The following CCDC57 variants were observed in gnomAD, a reference collection of about 807,000 sequenced individuals.
The protein encoded by CCDC57 is coiled-coil domain containing 57.
A neutral mutation model predicts 118.9 loss-of-function variants in CCDC57; 118 were observed. That is an observed-to-expected ratio of 0.99 (90% confidence interval 0.86 to 1.16). The LOEUF (loss-of-function observed/expected upper bound fraction) is 1.16, where lower values mean the gene tolerates loss of function less well. Among genes scored for constraint, CCDC57 ranks in the 50% most tolerant of loss-of-function variants. The probability of loss-of-function intolerance (pLI) is 0.00; values close to 1 mark genes in which losing one functional copy is unlikely to be tolerated. For missense variants in CCDC57, 1,300 were observed against 1,320.7 expected, an observed-to-expected ratio of 0.98 and a Z score of 0.24; for synonymous variants, 527 against 532.9, an observed-to-expected ratio of 0.99 and a Z score of 0.15.
chr17:82,152,223 C>T (rs1356389688), intron 15 of CCDC57: 2 of 188,540 alleles, frequency 1.1e-5, no homozygotes, highest in Non-Finnish European at 2.2e-5. Flanking sequence ...AGAGAGAAGG[C>T]TGTGGCCTCT....
chr17:82,150,070 C>T (rs2041688074), intron 16 of CCDC57, among the ~76,000 whole-genome samples: 1 of 132,366 alleles, frequency 7.6e-6, no homozygotes, highest in South Asian at 2.7e-4. Flanking sequence ...CAGGCACACA[C>T]TCAGAACCTG....
chr17:82,152,714 A>C (rs1427388008), intron 15 of CCDC57, among the ~76,000 whole-genome samples: 1 of 152,256 alleles, frequency 6.6e-6, no homozygotes, highest in Admixed American at 6.5e-5. Flanking sequence ...GGCCCTGGCC[A>C]CATGAGCTCC....
At chr17:82,122,117 A>G (rs555988657) in intron 19 of CCDC57, among the ~76,000 whole-genome samples, 2 of 152,002 alleles carry the variant, frequency 1.3e-5, no homozygotes, top group East Asian at 3.9e-4. Flanking sequence ...TGAGGCGCCA[A>G]CCCACCATTT....
At chr17:82,198,897 G>A (rs2048630897) in intron 3 of CCDC57, among the ~76,000 whole-genome samples, 1 of 151,438 alleles carries the variant, frequency 6.6e-6, no homozygotes, top group African/African-American at 2.4e-5. Context: ...GGAGGCTGAG[G>A]CAGGAGAATG....
At chr17:82,103,823 C>T (rs1223276030) in intron 19 of CCDC57, among the ~76,000 whole-genome samples, 2 of 148,680 alleles carry the variant, frequency 1.3e-5, no homozygotes, top group Non-Finnish European at 3.0e-5. Flanking sequence ...TCACAGTCCC[C>T]GGGGCAGGGA....
chr17:82,114,047 C>A (rs1039576010), intron 19 of CCDC57, among the ~76,000 whole-genome samples: 10 of 152,226 alleles, frequency 6.6e-5, no homozygotes, highest in Non-Finnish European at 1.5e-4. Flanking sequence ...CTGACGTGCA[C>A]CTTCTAGTGC....
At chr17:82,113,215 A>G (rs2035419052) in intron 19 of CCDC57, 2 of 600,564 alleles carry the variant, frequency 3.3e-6, no homozygotes, top group South Asian at 4.0e-5. Context: ...CATGATAATC[A>G]GTGAAGGCGG....
chr17:82,210,993 TAAA>T (rs1207759837), intron 1 of CCDC57, among the ~76,000 whole-genome samples: 1 of 68,836 alleles, frequency 1.5e-5, no homozygotes, highest in Non-Finnish European at 2.8e-5. Flanking sequence ...GACTCCGTCT[TAAA>T]AAAAAAAAAA....
rs989443081 is a variant in CCDC57 at position 82,192,691 on chromosome 17, G to A, written c.851+1065C>T. ...ACCCGGATGGGTGCCCTCACAATGC[G>A]AGCCAGCTGAGGGCACAACCCTCTC... On this transcript the variant is annotated intron_variant, in intron 7 of 19. Coordinates refer to ENST00000665763, the Ensembl canonical transcript of CCDC57. The surrounding 1 kb of genome is among the most constrained non-coding windows in gnomAD (Gnocchi z 4.0). 6.6e-5 allele frequency among the ~76,000 whole-genome samples: 10 copies of A among 152,118 alleles called. No homozygotes were observed. Among genetic ancestry groups the A allele is most frequent in the African/African-American group, 1.9e-4 (8 of 41,418 alleles).
In CCDC57 at chr17:82,161,791, T is replaced by G. The variant is rs575381869; in HGVS notation, c.2040+1409A>C. ...TATTGTACCGAGCTTCTATCTGGGG[T>G]GGGGAGAAAAGCTCCGGTAATAGTG... On this transcript the variant is annotated intron_variant, in intron 14 of 19. Transcript: ENST00000665763. Among the ~76,000 whole-genome samples the G allele has an allele frequency of 1.8e-4, 27 of 152,128 alleles. 1 individual carries two copies. In the South Asian group the frequency reaches 5.6e-3, roughly 32 times the overall value.
chr17:82,123,046 C>T (rs1365656588), intron 19 of CCDC57, among the ~76,000 whole-genome samples: 1 of 151,822 alleles, frequency 6.6e-6, no homozygotes, highest in Non-Finnish European at 1.5e-5. Context: ...GCAGGGGCTG[C>T]TTCTCTGTCC....
chr17:82,179,353 G>A (rs1340959334), intron 9 of CCDC57, among the ~76,000 whole-genome samples, 164 bp from the exon 9 acceptor site: 2 of 152,210 alleles, frequency 1.3e-5, no homozygotes, highest in African/African-American at 2.4e-5. Context: ...GGCACACTGG[G>A]ACGCCCAATA....
intron 19 of CCDC57, among the ~76,000 whole-genome samples, chr17:82,117,755 A>AAACAAACAAACAAACAAACC: frequency 6.6e-6 from 1 of 152,204 alleles, no homozygotes; most frequent in African/African-American, 2.4e-5. Flanking sequence ...ACAAACAAAC[A>AAACAAACAAACAAACAAACC]AACAAACAAA....
intron 8 of CCDC57, among the ~76,000 whole-genome samples, chr17:82,187,015 G>C (rs2047007784): frequency 6.6e-6 from 1 of 152,022 alleles, no homozygotes; most frequent in Admixed American, 6.6e-5. Context: ...GAGGCAGGGG[G>C]ATCACAAAGT....
At chr17:82,165,565 T>C (rs1246865678) in intron 13 of CCDC57, among the ~76,000 whole-genome samples, 2 of 151,774 alleles carry the variant, frequency 1.3e-5, no homozygotes, top group Admixed American at 6.6e-5. Context: ...GTGGAGCCCT[T>C]GGGACCACAC....
At chr17:82,146,652 C>G (rs1197405009) in intron 16 of CCDC57, among the ~76,000 whole-genome samples, 1 of 152,216 alleles carries the variant, frequency 6.6e-6, no homozygotes, top group Non-Finnish European at 1.5e-5. Context: ...TCTCTTCTCA[C>G]TCTACTTTCT....
chr17:82,134,737 C>T (rs375267834), intron 16 of CCDC57, among the ~76,000 whole-genome samples: 2 of 151,946 alleles, frequency 1.3e-5, no homozygotes, highest in African/African-American at 2.4e-5. Context: ...GAGGTTGCAG[C>T]GAGCCGAGAT....
At chr17:82,198,931 T>G (rs2048635388) in intron 3 of CCDC57, among the ~76,000 whole-genome samples, 3 of 145,078 alleles carry the variant, frequency 2.1e-5, no homozygotes, top group South Asian at 4.3e-4. Context: ...AGGTGGAGCT[T>G]GCAGTGAGCT....
chr17:82,200,085 C>T (rs901300766), intron 3 of CCDC57, among the ~76,000 whole-genome samples: 3 of 152,178 alleles, frequency 2.0e-5, no homozygotes, highest in African/African-American at 7.2e-5. Context: ...AGAGGGGCAC[C>T]ACACCCACCA....
Sources: gnomAD v4.1 joint callset for allele counts (sites outside exome capture counted in the v4.1 genomes callset) on GRCh38, gnomAD v4.1.1 for gene constraint, Gnocchi (gnomAD v3.1) non-coding constraint, MANE v1.5 for transcripts, NCBI Gene and HGNC (gene_info 2026-07-23, HGNC 2026-07-21) for gene names.